The following GFRA1 variants were observed in gnomAD, a reference collection of about 807,000 sequenced individuals.
GFRA1 encodes GDNF family receptor alpha 1.
A neutral mutation model predicts 51.6 loss-of-function variants in GFRA1; 16 were observed. The observed-to-expected ratio is 0.31, with a 90% CI of 0.21 to 0.47. GFRA1 has a LOEUF of 0.47. Ranked by LOEUF, GFRA1 falls within the 20% of genes least tolerant of loss-of-function variation. The pLI is 1.00. For synonymous variants in GFRA1, 270 were observed against 241.3 expected, an observed-to-expected ratio of 1.12 and a Z score of -1.10; for missense variants, 530 against 594.3, an observed-to-expected ratio of 0.89 and a Z score of 1.13.
intron 8 of GFRA1, 50 bp from the exon 9 acceptor site, chr10:116,089,972 A>T: frequency 6.6e-7 from 1 of 1,508,270 alleles, no homozygotes; most frequent in African/African-American, 1.4e-5. Context: ...CAGCAAACGT[A>T]ACAGACAGGA....
chr10:116,270,426 G>T (rs780737421), intron 3 of GFRA1, among the ~76,000 whole-genome samples: 1 of 152,204 alleles, frequency 6.6e-6, no homozygotes, highest in African/African-American at 2.4e-5. Flanking sequence ...GACAGGGGGA[G>T]TCCAGACCAG....
At chr10:116,081,158 GGATTTGTAACTAGTTGGTCA>G (rs1955832533) in intron 9 of GFRA1, among the ~76,000 whole-genome samples, 1 of 152,178 alleles carries the variant, frequency 6.6e-6, no homozygotes, top group Admixed American at 6.5e-5. Context: ...AGGAACCCCT[GGATTTGTAACTAGTTGGTCA>G]GAAGTGCAGG....
chr10:116,131,575 GA>G (rs542616753), intron 5 of GFRA1, among the ~76,000 whole-genome samples: 3 of 152,016 alleles, frequency 2.0e-5, no homozygotes, highest in Non-Finnish European at 4.4e-5. Flanking sequence ...CTGCTACTCA[GA>G]AATAAGAAGA....
At chr10:116,254,796 C>T (rs1374736528) in intron 4 of GFRA1, among the ~76,000 whole-genome samples, 1 of 152,212 alleles carries the variant, frequency 6.6e-6, no homozygotes, top group Non-Finnish European at 1.5e-5. Context: ...GGAAGAATAT[C>T]TCAGGGCCAG....
rs1954843956 is a variant in GFRA1, at chr10:116,062,055, A to G, written c.*2343T>C. 2.5e-6 allele frequency: 1 copy of G among 398,486 alleles called. No individual in the cohort carries two copies. Among genetic ancestry groups the G allele is most frequent in the Non-Finnish European group, 4.4e-6 (1 of 226,056 alleles). 24.7% of individuals were successfully genotyped at this position (398,486 alleles called of 1,614,324 possible). On this transcript the variant is annotated 3_prime_UTR_variant, in exon 11 of 11. Transcript: ENST00000355422. ...TTGTTGGTGACAGATGAGGCTTTTC[A>G]AAATGTAATTTATATATTGCCTACC... is the stretch of plus-strand genomic sequence containing the variant.
At chr10:116,208,012 G>A (rs549796424) in intron 5 of GFRA1, among the ~76,000 whole-genome samples, 33 of 152,076 alleles carry the variant, frequency 2.2e-4, no homozygotes, top group African/African-American at 8.0e-4. Context: ...ATAAGACCAC[G>A]CCATTCTCCT....
rs72837830 is a variant in GFRA1 at position 116,250,672 on chromosome 10, A to G, written c.418+18831T>C. Among the ~76,000 whole-genome samples, 294 of 152,302 alleles carry G rather than the reference A, an allele frequency of 1.9e-3. 3 individuals are homozygous for G. Among genetic ancestry groups the G allele is most frequent in the Admixed American group, 4.2e-3 (64 of 15,294 alleles). On this transcript the variant is annotated intron_variant, in intron 4 of 10. Transcript: ENST00000355422. ...TGCTCATGTCTCAGAATTCTAGGAT[A>G]GTGAAACGCAGCCAGATACTTTTCT...
chr10:116,270,456 A>C (rs1185575370), intron 3 of GFRA1, among the ~76,000 whole-genome samples: 1 of 152,172 alleles, frequency 6.6e-6, no homozygotes, highest in Non-Finnish European at 1.5e-5. Context: ...AAGCCTTCCT[A>C]TTATTATTGA....
rs1274618131 is a variant in GFRA1 at position 116,255,741 on chromosome 10, A to G, written c.418+13762T>C. On this transcript the variant is annotated intron_variant, in intron 4 of 10. Transcript: ENST00000355422. ...CCTCTCTCCTTCTCCCCTTCTTTACATGGCATTGCACTCTGCACTTTCTGG... is the reference window on the plus strand; with the variant it reads ...CCTCTCTCCTTCTCCCCTTCTTTACGTGGCATTGCACTCTGCACTTTCTGG... 2.3e-6 allele frequency: 3 copies of G among 1,288,776 alleles called. No homozygotes were observed. In the Admixed American group the frequency reaches 6.9e-5, roughly 30 times the overall value. The allele number at this position is 1,288,776 out of a possible 1,614,324, so 79.8% of individuals were successfully genotyped here.
Position 116,272,129 on chromosome 10 carries a change from G to T in GFRA1, c.-100C>A. The stretch of plus-strand genomic sequence containing the variant: ...AGCGTGCAGCGATCCCCGGACAGCT[G>T]TGCTGCTCTGGCCGCCCAAAGTTCA... On this transcript the variant is annotated 5_prime_UTR_variant, in exon 2 of 11. Transcript: ENST00000355422. The surrounding 1 kb of genome is among the most constrained non-coding windows in gnomAD (Gnocchi z 4.4). 2 of 1,053,410 alleles carry T rather than the reference G, an allele frequency of 1.9e-6. No individual in the cohort carries two copies. The highest frequency in any genetic ancestry group is 2.9e-6 in the Non-Finnish European group (2 of 695,246). The allele number at this position is 1,053,410 out of a possible 1,614,324, so 65.3% of individuals were successfully genotyped here.
intron 9 of GFRA1, among the ~76,000 whole-genome samples, chr10:116,088,876 G>GCA (rs954596687): frequency 8.3e-6 from 1 of 119,844 alleles, no homozygotes; most frequent in Non-Finnish European, 1.6e-5. Flanking sequence ...AGCCGAGATT[G>GCA]CACCACTGCA....
chr10:116,191,157 T>C (rs1259806349), intron 5 of GFRA1, among the ~76,000 whole-genome samples: 2 of 152,220 alleles, frequency 1.3e-5, no homozygotes, highest in Admixed American at 1.3e-4. Context: ...AGACATTTGT[T>C]GAAAATTGCT....
intron 5 of GFRA1, among the ~76,000 whole-genome samples, chr10:116,136,960 T>A (rs1224666057): frequency 6.6e-6 from 1 of 152,226 alleles, no homozygotes. Flanking sequence ...AATCATTGGC[T>A]TTCCCAAAAA....
intron 5 of GFRA1, among the ~76,000 whole-genome samples, chr10:116,207,319 A>C (rs762804436): frequency 6.8e-6 from 1 of 147,526 alleles, no homozygotes; most frequent in African/African-American, 2.6e-5. Context: ...AGATGAGTTC[A>C]GTTTGTTTGT....
intron 5 of GFRA1, among the ~76,000 whole-genome samples, chr10:116,133,628 C>A (rs1193318156): frequency 3.9e-5 from 6 of 152,192 alleles, no homozygotes; most frequent in African/African-American, 1.4e-4. Flanking sequence ...TGTAATCTGC[C>A]TTTTCTGACT....
chr10:116,131,616 G>A (rs1293118727), intron 5 of GFRA1, among the ~76,000 whole-genome samples: 1 of 152,014 alleles, frequency 6.6e-6, no homozygotes, highest in Non-Finnish European at 1.5e-5. Flanking sequence ...AAATAGCATG[G>A]ATGAATCTCA....
At chr10:116,183,774 G>A (rs939555510) in intron 5 of GFRA1, among the ~76,000 whole-genome samples, 3 of 152,180 alleles carry the variant, frequency 2.0e-5, no homozygotes, top group African/African-American at 7.2e-5. Context: ...CTGTAACAGG[G>A]CAGGACAGCA....
intron 9 of GFRA1, among the ~76,000 whole-genome samples, chr10:116,086,432 A>G (rs1432693874): frequency 6.6e-6 from 1 of 152,184 alleles, no homozygotes; most frequent in Non-Finnish European, 1.5e-5. Flanking sequence ...GCTAAGCCAT[A>G]TATGTGCTTT....
At chr10:116,138,350 GCTGA>G (rs1348668898) in intron 5 of GFRA1, among the ~76,000 whole-genome samples, 1 of 149,802 alleles carries the variant, frequency 6.7e-6, no homozygotes, top group Non-Finnish European at 1.5e-5. Context: ...CTTGGAATTC[GCTGA>G]CTTTCTGTAG....
Sources: allele counts gnomAD v4.1 joint callset (sites outside exome capture counted in the v4.1 genomes callset), GRCh38; gene constraint gnomAD v4.1.1; non-coding constraint Gnocchi (gnomAD v3.1); transcripts MANE v1.5; gene names NCBI Gene and HGNC (gene_info 2026-07-23, HGNC 2026-07-21).